NRG1: variants seen among roughly 807,000 people sequenced by gnomAD.
NRG1 encodes pro-neuregulin-1, membrane-bound isoform.
In NRG1, 18 loss-of-function variants were observed where a neutral mutation model predicts 63.8. That is an observed-to-expected ratio of 0.28 (90% CI 0.19 to 0.42). NRG1 has a LOEUF of 0.42. Among genes scored for constraint, NRG1 ranks in the 10% least tolerant of loss-of-function variants. The probability of loss-of-function intolerance (pLI) is 1.00; values close to 1 mark genes in which losing one functional copy is unlikely to be tolerated. For synonymous variants in NRG1, 302 were observed against 301.3 expected, an observed-to-expected ratio of 1.00 and a Z score of -0.02; for missense variants, 762 against 814.7, an observed-to-expected ratio of 0.94 and a Z score of 0.79.
chr8:32,070,434 A>G lies in NRG1; in HGVS notation c.37+431003A>G, dbSNP rs565755526. ...AGTGCCTAATAATAGCATAATAGCT[A>G]CTCAATAAGTAGCCATAATTGTTTT... On this transcript the variant is annotated intron_variant, in intron 1 of 10. Coordinates refer to the NRG1 transcript ENST00000519301. Among the ~76,000 whole-genome samples, 4 of 152,340 alleles carry G rather than the reference A, an allele frequency of 2.6e-5. No homozygotes were observed. The South Asian group carries it at 8.3e-4, about 32-fold the overall frequency.
chr8:32,769,426 G>A (rs1831642775), downstream of NRG1, among the ~76,000 whole-genome samples: 1 of 152,120 alleles, frequency 6.6e-6, no homozygotes, highest in Non-Finnish European at 1.5e-5. Flanking sequence ...CTGGAAACAA[G>A]CAAACCTGAG....
intron 5 of NRG1, among the ~76,000 whole-genome samples, chr8:32,713,968 G>A (rs1022481608): frequency 6.6e-6 from 1 of 151,798 alleles, no homozygotes; most frequent in African/African-American, 2.4e-5. Flanking sequence ...GGGATTACAG[G>A]CACACACCAC....
chr8:31,715,535 T>C (rs1317431029), intron 1 of NRG1, among the ~76,000 whole-genome samples: 1 of 152,208 alleles, frequency 6.6e-6, no homozygotes, highest in Non-Finnish European at 1.5e-5. Flanking sequence ...AATAATTAAA[T>C]GTATAATAGT....
chr8:32,300,940 A>G (rs1168289265), intron 1 of NRG1, among the ~76,000 whole-genome samples: 2 of 152,234 alleles, frequency 1.3e-5, no homozygotes, highest in Non-Finnish European at 2.9e-5. Context: ...CTACATCTAC[A>G]TTCTTCCTGA....
chr8:32,302,511 T>A (rs1393021042), intron 1 of NRG1, among the ~76,000 whole-genome samples: 13 of 151,020 alleles, frequency 8.6e-5, no homozygotes, highest in African/African-American at 3.0e-4. Context: ...GTGGTTTTAT[T>A]TTTATTGTGT....
intron 1 of NRG1, among the ~76,000 whole-genome samples, chr8:32,510,932 A>ATCTTCCTT (rs1396965556): frequency 4.1e-5 from 6 of 145,596 alleles, no homozygotes; most frequent in African/African-American, 1.5e-4. Context: ...TTCTGTTGGA[A>ATCTTCCTT]TCTTCCTTTC....
intron 1 of NRG1, among the ~76,000 whole-genome samples, chr8:31,825,314 G>T (rs1323626586): frequency 6.6e-6 from 1 of 152,038 alleles, no homozygotes; most frequent in Admixed American, 6.5e-5. Flanking sequence ...CATGAACCCG[G>T]GAGGCGCAGC....
At position 31,986,361 on chromosome 8, in the gene NRG1, G is replaced by A. The variant is rs142478641; in HGVS notation, c.37+346930G>A. On this transcript the variant is annotated intron_variant, in intron 1 of 10. Coordinates refer to the NRG1 transcript ENST00000519301. ...CAGTCCACACCACACTCCCCATGAA[G>A]CACTTTTCATACATTGCCTCATGTA... Among the ~76,000 whole-genome samples, 111 of 152,140 alleles carry A rather than the reference G, an allele frequency of 7.3e-4. No individual in the cohort carries two copies. In the Middle Eastern group the frequency reaches 0.014, roughly 19 times the overall value.
At chr8:32,707,936 A>G (rs937854446) in intron 5 of NRG1, among the ~76,000 whole-genome samples, 1 of 3,990 alleles carries the variant, frequency 2.5e-4, no homozygotes, top group Admixed American at 4.7e-3. Flanking sequence ...TTCTGAAGTT[A>G]TATGTATATG....
intron 1 of NRG1, among the ~76,000 whole-genome samples, chr8:31,666,791 T>C (rs1806590406): frequency 6.6e-6 from 1 of 152,238 alleles, no homozygotes; most frequent in African/African-American, 2.4e-5. Context: ...GACATCCTTT[T>C]GACAGGTTCT....
intron 1 of NRG1, among the ~76,000 whole-genome samples, chr8:32,554,929 C>CTT (rs71541826): frequency 1.6e-4 from 24 of 145,874 alleles, no homozygotes; most frequent in African/African-American, 3.5e-4. Flanking sequence ...CTCTCTCTCT[C>CTT]TTTTTTTTTT....
intron 1 of NRG1, among the ~76,000 whole-genome samples, chr8:31,792,424 A>G (rs1195187834): frequency 6.6e-6 from 1 of 152,248 alleles, no homozygotes; most frequent in Non-Finnish European, 1.5e-5. Context: ...AAGAAACAGA[A>G]CAGAAAAAAA....
intron 1 of NRG1, among the ~76,000 whole-genome samples, chr8:31,927,615 A>AT (rs1433118318): frequency 4.7e-5 from 7 of 148,944 alleles, no homozygotes; most frequent in Non-Finnish European, 7.5e-5. Flanking sequence ...CGCCCGGCTA[A>AT]TTTTTTGTAT....
intron 1 of NRG1, among the ~76,000 whole-genome samples, chr8:32,011,445 A>G (rs1586459636): frequency 6.6e-6 from 1 of 152,140 alleles, no homozygotes; most frequent in Admixed American, 6.6e-5. Flanking sequence ...AAGGTTAGGC[A>G]TTCATCAAAA....
chr8:32,324,320 G>A (rs927511172), intron 1 of NRG1, among the ~76,000 whole-genome samples: 1 of 152,186 alleles, frequency 6.6e-6, no homozygotes, highest in African/African-American at 2.4e-5. Context: ...CGTGCAGGAG[G>A]AGAGGTACTG....
At chr8:31,639,765 C>G in intron 1 of NRG1, 1 of 1,335,206 alleles carries the variant, frequency 7.5e-7, no homozygotes, top group South Asian at 1.8e-5. Flanking sequence ...TTTTTTTTGC[C>G]CTTATACCTC....
At chr8:32,160,354 G>A (rs1838691086) in intron 1 of NRG1, among the ~76,000 whole-genome samples, 2 of 152,218 alleles carry the variant, frequency 1.3e-5, no homozygotes, top group Admixed American at 1.3e-4. Context: ...TGAACTAAAT[G>A]CTGCCCCAGA....
intron 1 of NRG1, among the ~76,000 whole-genome samples, chr8:31,831,078 A>C (rs1426480312): frequency 5.3e-5 from 8 of 151,760 alleles, no homozygotes. Flanking sequence ...AAGATAGCAC[A>C]GAGTTTGCTG....
intron 5 of NRG1, among the ~76,000 whole-genome samples, chr8:32,635,561 TTA>T (rs1262242747): frequency 6.6e-5 from 10 of 152,032 alleles, no homozygotes; most frequent in Admixed American, 6.6e-4. Context: ...TGACAGTAAG[TTA>T]GTTATTTTTA....
Sources: gnomAD v4.1 joint callset for allele counts (sites outside exome capture counted in the v4.1 genomes callset) on GRCh38, gnomAD v4.1.1 for gene constraint, MANE v1.5 for transcripts, NCBI Gene and HGNC (gene_info 2026-07-23, HGNC 2026-07-21) for gene names.